FOXK1: variants seen among roughly 807,000 people sequenced by gnomAD.
The protein encoded by FOXK1 is forkhead box K1.
A neutral mutation model predicts 51.9 loss-of-function variants in FOXK1; 19 were observed. That is an observed-to-expected ratio of 0.37 (90% CI 0.26 to 0.54). The LOEUF is 0.54. Among genes scored for constraint, FOXK1 ranks in the 20% least tolerant of loss-of-function variants. The pLI, the probability that FOXK1 is intolerant of heterozygous loss-of-function variation, is 0.87. For synonymous variants in FOXK1, 537 were observed against 482.6 expected (o/e 1.11, Z -1.48); for missense variants, 870 against 1,032.7 (o/e 0.84, Z 2.16).
Position 4,722,011 on chromosome 7 carries a change from A to C in FOXK1, c.561-18827A>C, listed in dbSNP as rs1316295508. ...CAGCCGTGTTACTTTCTCCCAAAGGAGGCAGCCGGGGTGAGACTGGTGACC... is the reference window on the plus strand; with the variant it reads ...CAGCCGTGTTACTTTCTCCCAAAGGCGGCAGCCGGGGTGAGACTGGTGACC... On this transcript the variant is annotated intron_variant, in intron 1 of 8. Coordinates refer to ENST00000328914, the MANE Select transcript of FOXK1 (RefSeq NM_001037165.2). The surrounding 1 kb of genome is among the most constrained non-coding windows in gnomAD (Gnocchi z 5.1). Among the ~76,000 whole-genome samples the C allele has an allele frequency of 6.6e-6, 1 of 152,206 alleles. No individual in the cohort carries two copies. Among genetic ancestry groups the C allele is most frequent in the African/African-American group, 2.4e-5 (1 of 41,440 alleles).
chr7:4,764,973 G>T lies in FOXK1; in HGVS notation c.*2509G>T, dbSNP rs909831520. The T allele has an allele frequency of 6.6e-6, 1 of 152,466 alleles. No homozygotes were observed. The highest frequency in any genetic ancestry group is 1.5e-5 in the Non-Finnish European group (1 of 68,188). 9.4% of individuals were successfully genotyped at this position (152,466 alleles called of 1,614,324 possible). A position where few individuals can be genotyped will look rare whatever the true frequency, so the allele number is the denominator to read the frequency against. On this transcript the variant is annotated 3_prime_UTR_variant, in exon 9 of 9. Transcript: ENST00000328914. ...GCTTCATTGCCAAGGGCGTGGAAAGGGGGTGGTGGATGGAGCCGGGAGGTG... is the reference window on the plus strand; with the variant it reads ...GCTTCATTGCCAAGGGCGTGGAAAGTGGGTGGTGGATGGAGCCGGGAGGTG...
At chr7:4,716,250 AAAG>A (rs1780233339) in intron 1 of FOXK1, among the ~76,000 whole-genome samples, 2 of 151,982 alleles carry the variant, frequency 1.3e-5, no homozygotes, top group African/African-American at 4.8e-5. Context: ...AAAAAGAAAG[AAAG>A]AAATACAGAC....
chr7:4,688,841 T>C (rs1462633844), intron 1 of FOXK1, among the ~76,000 whole-genome samples: 1 of 152,060 alleles, frequency 6.6e-6, no homozygotes, highest in Non-Finnish European at 1.5e-5. Flanking sequence ...AAGTGTTTTG[T>C]TTTGCTTTTT....
intron 1 of FOXK1, among the ~76,000 whole-genome samples, chr7:4,701,471 A>G (rs562331982): frequency 4.6e-5 from 7 of 152,298 alleles, no homozygotes; most frequent in South Asian, 2.1e-4. Context: ...AACAAGTACT[A>G]TTGACCGGGC....
intron 1 of FOXK1, among the ~76,000 whole-genome samples, chr7:4,701,463 C>T (rs909648891): frequency 3.3e-5 from 5 of 152,102 alleles, no homozygotes; most frequent in African/African-American, 4.8e-5. Flanking sequence ...GGATATGTAA[C>T]AAGTACTATT....
rs762266320 is a variant in FOXK1, at chr7:4,758,737, G to A, written c.1245-314G>A. ...CTTATGTTTTTGGCACAGAAGGCCTGGGCCATTTTCATGGACACCTGGCTG... is the reference window on the plus strand; with the variant it reads ...CTTATGTTTTTGGCACAGAAGGCCTAGGCCATTTTCATGGACACCTGGCTG... On this transcript the variant is annotated intron_variant, in intron 5 of 8. Transcript: ENST00000328914. This position sits in a 1 kb window ranked among gnomAD's most constrained non-coding sequence, Gnocchi z 4.4. 2 of 346,416 alleles carry A rather than the reference G, an allele frequency of 5.8e-6. No individual in the cohort carries two copies. The highest frequency in any genetic ancestry group is 2.1e-5 in the African/African-American group (1 of 46,716). 21.5% of individuals were successfully genotyped at this position (346,416 alleles called of 1,614,324 possible).
chr7:4,717,628 A>G (rs1343029091), intron 1 of FOXK1, among the ~76,000 whole-genome samples: 1 of 151,738 alleles, frequency 6.6e-6, no homozygotes, highest in African/African-American at 2.4e-5. Flanking sequence ...GACGGGAGGT[A>G]CTCCACCCTA....
Position 4,754,621 on chromosome 7 carries a change from A to C in FOXK1, c.903+6A>C, listed in dbSNP as rs1307162180. The C allele has an allele frequency of 6.2e-7, 1 of 1,601,424 alleles. No individual in the cohort carries two copies. Among genetic ancestry groups the C allele is most frequent in the South Asian group, 1.1e-5 (1 of 90,990 alleles). ...CTGGAGGAGACAGCCCCAAGGTCTG[A>C]GCCCACCTGGCGCCGTGGTGCACCT... On this transcript the variant is annotated splice_donor_region_variant and intron_variant, in intron 3 of 8. Transcript: ENST00000328914.
chr7:4,711,982 G>T lies in FOXK1; in HGVS notation c.561-28856G>T, dbSNP rs947278305. On this transcript the variant is annotated intron_variant, in intron 1 of 8. Transcript: ENST00000328914. The surrounding 1 kb of genome is among the most constrained non-coding windows in gnomAD (Gnocchi z 6.3). ...GCCGCCGAGCAGGAGGGAGGACGCG[G>T]CAGGTCACAGAGCCCACCAAGTCCG... is the stretch of plus-strand genomic sequence containing the variant. Among the ~76,000 whole-genome samples the T allele has an allele frequency of 1.3e-5, 2 of 152,108 alleles. No homozygotes were observed. Among genetic ancestry groups the T allele is most frequent in the African/African-American group, 4.8e-5 (2 of 41,412 alleles).
chr7:4,769,634 T>C lies in FOXK1; in HGVS notation c.*7170T>C, dbSNP rs1380881526. On this transcript the variant is annotated 3_prime_UTR_variant, in exon 9 of 9. Coordinates refer to ENST00000328914, the MANE Select transcript of FOXK1 (RefSeq NM_001037165.2). The surrounding 1 kb of genome is among the most constrained non-coding windows in gnomAD (Gnocchi z 4.1). ...TTTGTATTTCTAATAGAGATGAGAG[T>C]GTTACCATGTTGGTCAGGCTGGTCT... The C allele has an allele frequency of 6.6e-6, 1 of 152,164 alleles. No homozygotes were observed. The highest frequency in any genetic ancestry group is 1.5e-5 in the Non-Finnish European group (1 of 68,062). 9.4% of individuals were successfully genotyped at this position (152,164 alleles called of 1,614,324 possible).
chr7:4,753,723 AG>A lies in FOXK1; in HGVS notation c.747-733del, dbSNP rs1449174260. ...TGACGGAAGCCTGCCTTAGTGAGTT[AG>A]GGAAGCAGGCCAGAGCACACCCCTC... On this transcript the variant is annotated intron_variant, in intron 2 of 8. Coordinates refer to ENST00000328914, the MANE Select transcript of FOXK1 (RefSeq NM_001037165.2). The surrounding 1 kb of genome is among the most constrained non-coding windows in gnomAD (Gnocchi z 4.9). Among the ~76,000 whole-genome samples, 1 of 152,198 alleles carries A rather than the reference AG, an allele frequency of 6.6e-6. No homozygotes were observed. The highest frequency in any genetic ancestry group is 1.9e-4 in the East Asian group (1 of 5,184).
At chr7:4,751,684 C>G (rs761420479) in intron 2 of FOXK1, among the ~76,000 whole-genome samples, 1 of 152,224 alleles carries the variant, frequency 6.6e-6, no homozygotes, top group East Asian at 1.9e-4. Flanking sequence ...ACGGGCTGCT[C>G]CGAGGGCTGG....
At chr7:4,720,232 A>G (rs566197188) in intron 1 of FOXK1, among the ~76,000 whole-genome samples, 10 of 152,226 alleles carry the variant, frequency 6.6e-5, no homozygotes, top group African/African-American at 2.4e-4. Context: ...TAGGTTTATC[A>G]TTCTGACCAA....
rs953623895 is a variant in FOXK1 at position 4,769,447 on chromosome 7, T to TG, written c.*6983_*6984insG. The TG allele has an allele frequency of 1.6e-4, 25 of 152,126 alleles. No individual in the cohort carries two copies. Among genetic ancestry groups the TG allele is most frequent in the African/African-American group, 6.0e-4 (25 of 41,420 alleles). 9.4% of individuals were successfully genotyped at this position (152,126 alleles called of 1,614,324 possible). A position where few individuals can be genotyped will look rare whatever the true frequency, so the allele number is the denominator to read the frequency against. ...CTCCAAGTCACTCTGTCACCACTTT[T>TG]TTTTTTTTTGAGATGGAGTCTCGCT... On this transcript the variant is annotated 3_prime_UTR_variant, in exon 9 of 9. Coordinates refer to ENST00000328914, the MANE Select transcript of FOXK1 (RefSeq NM_001037165.2). The surrounding 1 kb of genome is among the most constrained non-coding windows in gnomAD (Gnocchi z 4.1).
At position 4,733,190 on chromosome 7, in the gene FOXK1, T is replaced by TA. The variant is rs1421417004; in HGVS notation, c.561-7646dup. Among the ~76,000 whole-genome samples, 2 of 152,012 alleles carry TA rather than the reference T, an allele frequency of 1.3e-5. No individual in the cohort carries two copies. Among genetic ancestry groups the TA allele is most frequent in the African/African-American group, 4.8e-5 (2 of 41,374 alleles). On this transcript the variant is annotated intron_variant, in intron 1 of 8. Transcript: ENST00000328914. This position sits in a 1 kb window ranked among gnomAD's most constrained non-coding sequence, Gnocchi z 5.0. ...TTATACGTGACGGTCTTTTTTTTTTTAATTTTATTATTTTTTTATTTCAAG... is the reference window on the plus strand; with the variant it reads ...TTATACGTGACGGTCTTTTTTTTTTTAAATTTTATTATTTTTTTATTTCAAG...
At chr7:4,736,773 C>G (rs1447407471) in intron 1 of FOXK1, among the ~76,000 whole-genome samples, 3 of 152,224 alleles carry the variant, frequency 2.0e-5, no homozygotes, top group African/African-American at 7.2e-5. Flanking sequence ...TCCAACCATT[C>G]TGTTTTATTA....
chr7:4,693,569 T>TG (rs1006737558), intron 1 of FOXK1, among the ~76,000 whole-genome samples: 1 of 152,202 alleles, frequency 6.6e-6, no homozygotes, highest in African/African-American at 2.4e-5. Context: ...TTATTTTCCC[T>TG]GGGGGCCTCT....
intron 2 of FOXK1, among the ~76,000 whole-genome samples, chr7:4,742,903 C>T (rs1438246439): frequency 6.6e-6 from 1 of 152,150 alleles, no homozygotes; most frequent in East Asian, 1.9e-4. Flanking sequence ...TTTTCCAGAG[C>T]CAGTGGGTGG....
At chr7:4,684,584 T>C (rs997649922) in intron 1 of FOXK1, among the ~76,000 whole-genome samples, 1 of 152,132 alleles carries the variant, frequency 6.6e-6, no homozygotes, top group African/African-American at 2.4e-5. Context: ...CCATAACCAA[T>C]ACACTCTCTC....
Sources: allele counts gnomAD v4.1 joint callset (sites outside exome capture counted in the v4.1 genomes callset), GRCh38; gene constraint gnomAD v4.1.1; non-coding constraint Gnocchi (gnomAD v3.1); transcripts MANE v1.5; gene names NCBI Gene and HGNC (gene_info 2026-07-23, HGNC 2026-07-21).